Variants in COQ8B observed in about 807,000 individuals in gnomAD.
COQ8B encodes atypical kinase COQ8B, mitochondrial.
A neutral mutation model predicts 62.0 loss-of-function variants in COQ8B; 44 were observed. The observed-to-expected ratio is 0.71, with a 90% CI of 0.56 to 0.91. The LOEUF (loss-of-function observed/expected upper bound fraction) is 0.91. COQ8B is among the 40% of genes least tolerant of loss of function. The pLI is 0.00. For synonymous variants in COQ8B, 252 were observed against 289.9 expected (o/e 0.87, Z 1.33); for missense variants, 649 against 731.6 (o/e 0.89, Z 1.30).
chr19:40,703,440 G>T, intron 9 of COQ8B, 101 bp downstream of exon 9: 2 of 1,248,098 alleles, frequency 1.6e-6, no homozygotes, highest in Non-Finnish European at 2.2e-6. Flanking sequence ...CACAACGCCA[G>T]CACACCCTGC....
At chr19:40,697,821 A>ATT (rs1364422287) in intron 12 of COQ8B, among the ~76,000 whole-genome samples, 52 of 72,444 alleles carry the variant, frequency 7.2e-4, no homozygotes, top group African/African-American at 2.6e-3. Flanking sequence ...AATAAATAAA[A>ATT]TTATATATAT....
At chr19:40,695,472 G>A (rs2082007692) in intron 13 of COQ8B, among the ~76,000 whole-genome samples, 1 of 152,140 alleles carries the variant, frequency 6.6e-6, no homozygotes, top group Admixed American at 6.6e-5. Flanking sequence ...CCAGTGGGTG[G>A]GAGAGACGAG....
At chr19:40,697,003 G>A (rs752667743) in intron 12 of COQ8B, among the ~76,000 whole-genome samples, 1 of 152,114 alleles carries the variant, frequency 6.6e-6, no homozygotes, top group Non-Finnish European at 1.5e-5. Context: ...TAAGGACTTC[G>A]TTGCGTGAAT....
intron 10 of COQ8B, 85 bp downstream of exon 10, chr19:40,702,515 C>G: frequency 7.7e-7 from 1 of 1,296,628 alleles, no homozygotes; most frequent in Non-Finnish European, 1.1e-6. Flanking sequence ...CCCCACAGCT[C>G]CAGCTGCCAG....
In COQ8B at chr19:40,714,542, G is replaced by GCCCAGGC. The variant is rs1477091074; in HGVS notation, c.84_90dup (p.Pro31AlafsTer28). 16 of 1,613,498 alleles carry GCCCAGGC rather than the reference G, an allele frequency of 9.9e-6. No homozygotes were observed. The highest frequency in any genetic ancestry group is 1.1e-5 in the Non-Finnish European group (13 of 1,179,844). ...CCCTAGCCTCTTACCCAGCGGTGGGGCCCAGGCCCCAGGGCCCCACAAGGC... is the reference window on the plus strand; with the variant it reads ...CCCTAGCCTCTTACCCAGCGGTGGGGCCCAGGCCCCAGGCCCCAGGGCCCCACAAGGC... On this transcript the variant is annotated frameshift_variant, in exon 2 of 15. Transcript: ENST00000324464. LOFTEE classifies it high-confidence loss of function.
At chr19:40,699,849 C>T (rs2082047646) in intron 12 of COQ8B, among the ~76,000 whole-genome samples, 1 of 152,212 alleles carries the variant, frequency 6.6e-6, no homozygotes, top group Non-Finnish European at 1.5e-5. Flanking sequence ...CTACCCTCAA[C>T]CTCTCTTACC....
intron 5 of COQ8B, among the ~76,000 whole-genome samples, chr19:40,707,021 C>T (rs886470592): frequency 6.6e-6 from 1 of 152,152 alleles, no homozygotes; most frequent in African/African-American, 2.4e-5. Context: ...CCTGTAATCC[C>T]AGCACTTTGG....
chr19:40,693,424 A>G (rs2081989149), intron 13 of COQ8B, among the ~76,000 whole-genome samples: 1 of 152,196 alleles, frequency 6.6e-6, no homozygotes. Flanking sequence ...CCCACACTGG[A>G]CTTTGAGCCC....
chr19:40,697,742 G>A (rs1042764460), intron 12 of COQ8B, among the ~76,000 whole-genome samples: 14 of 150,712 alleles, frequency 9.3e-5, no homozygotes, highest in Non-Finnish European at 2.1e-4. Context: ...GTTGCAGTGA[G>A]TCGAGATTGT....
chr19:40,706,641 G>T (rs550266575), intron 5 of COQ8B, among the ~76,000 whole-genome samples: 1 of 152,076 alleles, frequency 6.6e-6, no homozygotes, highest in Non-Finnish European at 1.5e-5. Context: ...TTTACTTTCT[G>T]TAAAAATGGG....
At chr19:40,710,956 A>G (rs745869532) in intron 4 of COQ8B, among the ~76,000 whole-genome samples, 2 of 151,848 alleles carry the variant, frequency 1.3e-5, no homozygotes, top group Non-Finnish European at 2.9e-5. Flanking sequence ...ACGTGGAGAA[A>G]CCCTGTCTCT....
rs368652339 is a variant in COQ8B at position 40,710,050 on chromosome 19, C to T, written c.367+9G>A. On this transcript the variant is annotated intron_variant, in intron 5 of 14. Coordinates refer to ENST00000324464, the MANE Select transcript of COQ8B (RefSeq NM_024876.4). ...CAGGATCTGAACCCAGGCAGTGTGG[C>T]TCACTCACCTGACTGCAGACGACCT... The T allele has an allele frequency of 4.5e-5, 73 of 1,613,444 alleles. No homozygotes were observed. The highest frequency in any genetic ancestry group is 6.0e-5 in the Non-Finnish European group (71 of 1,179,630).
chr19:40,700,945 C>T (rs1198956099), intron 10 of COQ8B: 1 of 162,636 alleles, frequency 6.1e-6, no homozygotes, highest in Non-Finnish European at 1.4e-5. Flanking sequence ...CTAAATGATG[C>T]TGGGGACAGA....
rs531609201 is a variant in COQ8B, at chr19:40,711,359, G to A, written c.290-1223C>T. 7.9e-5 allele frequency among the ~76,000 whole-genome samples: 12 copies of A among 152,108 alleles called. No homozygotes were observed. In the East Asian group the frequency reaches 1.9e-3, roughly 25 times the overall value. ...TGATCCTCTTCCCTCAGCCTCCTGA[G>A]TAGCTGAGACCACACGTGCATACCA... On this transcript the variant is annotated intron_variant, in intron 4 of 14. Transcript: ENST00000324464.
At chr19:40,704,664 G>A (rs2082086801) in intron 7 of COQ8B, 1 of 156,814 alleles carries the variant, frequency 6.4e-6, no homozygotes, top group East Asian at 1.9e-4. Context: ...GCCTTACCCA[G>A]TTATTAGAAC....
Position 40,710,172 on chromosome 19 carries a change from C to G in COQ8B, c.290-36G>C, listed in dbSNP as rs770154771. ...AGAGAAGAACATGAGTGCCCGTTTGCCTGGGGTGCCCCCAGCCTAACCCAC... is the reference window on the plus strand; with the variant it reads ...AGAGAAGAACATGAGTGCCCGTTTGGCTGGGGTGCCCCCAGCCTAACCCAC... On this transcript the variant is annotated intron_variant, in intron 4 of 14. Transcript: ENST00000324464. The G allele has an allele frequency of 1.9e-6, 3 of 1,599,312 alleles. No individual in the cohort carries two copies. The Admixed American group carries it at 5.0e-5, about 27-fold the overall frequency.
At chr19:40,696,900 C>T (rs2082019086) in intron 12 of COQ8B, among the ~76,000 whole-genome samples, 1 of 152,160 alleles carries the variant, frequency 6.6e-6, no homozygotes, top group Non-Finnish European at 1.5e-5. Flanking sequence ...TGTCGTTCTC[C>T]TGCAACTTGT....
rs2082186768 is a variant in COQ8B, at chr19:40,716,611, A to G, written c.-28T>C. ...CGGAAAATCCAATGGAGCGTAAGTC[A>G]TTTGCTCAGGGTAGCGGAGCTGGGA... On this transcript the variant is annotated 5_prime_UTR_variant, in exon 1 of 15. The change abolishes an upstream ATG in the 5' untranslated region. Coordinates refer to ENST00000324464, the MANE Select transcript of COQ8B (RefSeq NM_024876.4). 2 of 152,266 alleles carry G rather than the reference A, an allele frequency of 1.3e-5. No individual in the cohort carries two copies. Among genetic ancestry groups the G allele is most frequent in the South Asian group, 4.1e-4 (2 of 4,832 alleles). The allele number at this position is 152,266 out of a possible 1,614,324, so 9.4% of individuals were successfully genotyped here.
intron 5 of COQ8B, among the ~76,000 whole-genome samples, chr19:40,709,577 T>C (rs2082125205): frequency 6.6e-6 from 1 of 152,210 alleles, no homozygotes; most frequent in Admixed American, 6.5e-5. Flanking sequence ...CTGGGCACAG[T>C]GGCTCATGCT....
Sources: allele counts gnomAD v4.1 joint callset (sites outside exome capture counted in the v4.1 genomes callset), GRCh38; gene constraint gnomAD v4.1.1; transcripts MANE v1.5; gene names NCBI Gene and HGNC (gene_info 2026-07-23, HGNC 2026-07-21).